SETDB2: variants seen among roughly 807,000 people sequenced by gnomAD.
SETDB2 encodes SET domain bifurcated histone lysine methyltransferase 2.
SETDB2 carries 56 observed loss-of-function variants against 82.5 expected under a neutral mutation model. The observed-to-expected ratio is 0.68, with a 90% CI of 0.55 to 0.85. The LOEUF (loss-of-function observed/expected upper bound fraction) is 0.85. Among genes scored for constraint, SETDB2 ranks in the 40% least tolerant of loss-of-function variants. The probability of loss-of-function intolerance (pLI) is 0.00; values close to 1 mark genes in which losing one functional copy is unlikely to be tolerated. For synonymous variants in SETDB2, 272 were observed against 284.9 expected, an observed-to-expected ratio of 0.95 and a Z score of 0.46; for missense variants, 677 against 816.4, an observed-to-expected ratio of 0.83 and a Z score of 2.08.
At chr13:49,445,683 C>G (rs1957661370) in intron 1 of SETDB2, 1 of 149,012 alleles carries the variant, frequency 6.7e-6, no homozygotes, top group South Asian at 2.1e-4. Context: ...AATCCCCACA[C>G]TTTGGGAGGC....
chr13:49,448,715 A>T (rs1957736605), intron 1 of SETDB2, among the ~76,000 whole-genome samples: 1 of 152,186 alleles, frequency 6.6e-6, no homozygotes, highest in Non-Finnish European at 1.5e-5. Context: ...TTCCTCCCAC[A>T]AGAAGTATTT....
chr13:49,480,610 C>T (rs865830224), intron 7 of SETDB2, among the ~76,000 whole-genome samples: 12 of 152,238 alleles, frequency 7.9e-5, no homozygotes, highest in Middle Eastern at 3.4e-3. Context: ...GCCATTTCTC[C>T]GTTTAAAAAT....
chr13:49,490,749 T>C, intron 12 of SETDB2, 73 bp from the exon 13 acceptor site: 1 of 1,076,150 alleles, frequency 9.3e-7, no homozygotes, highest in East Asian at 2.6e-5. Context: ...AACAGAATGG[T>C]TTTCTAATGC....
At chr13:49,472,955 C>T (rs1477156275) in intron 5 of SETDB2, among the ~76,000 whole-genome samples, 1 of 152,100 alleles carries the variant, frequency 6.6e-6, no homozygotes, top group East Asian at 1.9e-4. Context: ...TTCCAAATTA[C>T]AAGTTTTACC....
Position 49,488,289 on chromosome 13 carries a change from G to C in SETDB2, c.1577-1G>C. ...ATGTTTCCTTCCAAAATGTCTATTA[G>C]AGGACTCAAGTTCAAACCATGTTGA... On this transcript the variant is annotated splice_acceptor_variant, in intron 11 of 13. Transcript: ENST00000611815. LOFTEE classifies it high-confidence loss of function. 1 of 1,573,448 alleles carries C rather than the reference G, an allele frequency of 6.4e-7. No individual in the cohort carries two copies. Among genetic ancestry groups the C allele is most frequent in the Non-Finnish European group, 8.6e-7 (1 of 1,166,256 alleles).
At chr13:49,458,566 G>A (rs951671825) in intron 2 of SETDB2, among the ~76,000 whole-genome samples, 1 of 152,002 alleles carries the variant, frequency 6.6e-6, no homozygotes, top group Admixed American at 6.5e-5. Flanking sequence ...TCCTTGTATT[G>A]TTGATGTTCT....
intron 11 of SETDB2, among the ~76,000 whole-genome samples, chr13:49,486,956 GT>G (rs1958609129): frequency 6.6e-6 from 1 of 152,038 alleles, no homozygotes; most frequent in African/African-American, 2.4e-5. Context: ...GATAGAAAAG[GT>G]CTATCAAAAA....
chr13:49,486,272 G>A (rs2138985227), intron 11 of SETDB2, among the ~76,000 whole-genome samples: 1 of 150,012 alleles, frequency 6.7e-6, no homozygotes, highest in East Asian at 2.0e-4. Context: ...CCACGGTACT[G>A]CAGCCTGGGC....
chr13:49,477,111 GTATTAA>G, intron 6 of SETDB2, 72 bp downstream of exon 6: 1 of 1,335,104 alleles, frequency 7.5e-7, no homozygotes, highest in Non-Finnish European at 1.0e-6. Flanking sequence ...GTCTTGCTAT[GTATTAA>G]TTTGTCTATC....
intron 5 of SETDB2, among the ~76,000 whole-genome samples, chr13:49,474,964 A>C (rs1301350889): frequency 3.9e-5 from 6 of 152,222 alleles, no homozygotes; most frequent in Non-Finnish European, 8.8e-5. Flanking sequence ...TCAATGGAGG[A>C]AGTTTTTTTG....
rs1958149744 is a variant in SETDB2 at position 49,467,896 on chromosome 13, A to G, written c.241A>G (p.Asn81Asp). 1 of 1,611,738 alleles carries G rather than the reference A, an allele frequency of 6.2e-7. No homozygotes were observed. Among genetic ancestry groups the G allele is most frequent in the African/African-American group, 1.3e-5 (1 of 74,950 alleles). The change falls in exon 5 of 14, where the codon AAC becomes GAC. Residue 81 changes from asparagine (N) to aspartate (D), a missense_variant. This residue lies in a region of SETDB2 where 243 missense variants were observed against 237.2 expected (regional missense o/e 1.02). Coordinates refer to ENST00000611815, the MANE Select transcript of SETDB2 (RefSeq NM_001160308.3). ...PMPVTQKEQENKSNAFPSTSC... is the reference protein window; with the variant it reads ...PMPVTQKEQEDKSNAFPSTSC... ...GCCTGTGACTCAGAAGGAACAGGAA[A>G]ACAAATCCAATGCATTTCCCTCTAC...
chr13:49,485,879 G>A (rs537769476), intron 11 of SETDB2, 156 bp downstream of exon 11: 14 of 783,060 alleles, frequency 1.8e-5, no homozygotes, highest in South Asian at 2.8e-5. Context: ...GCAAAATATC[G>A]TGTGTGGGCC....
At chr13:49,488,889 T>A (rs1958646398) in intron 12 of SETDB2, 1 of 270,834 alleles carries the variant, frequency 3.7e-6, no homozygotes, top group South Asian at 8.7e-5. Context: ...GAACAGTGCC[T>A]AGCACATAGT....
At chr13:49,490,233 T>C (rs1469891235) in intron 12 of SETDB2, among the ~76,000 whole-genome samples, 1 of 128,158 alleles carries the variant, frequency 7.8e-6, no homozygotes, top group African/African-American at 3.0e-5. Flanking sequence ...TGAGCCAGGA[T>C]CATGCCACTG....
At chr13:49,478,350 CA>C (rs1287935812) in intron 6 of SETDB2, among the ~76,000 whole-genome samples, 1 of 152,116 alleles carries the variant, frequency 6.6e-6, no homozygotes, top group Non-Finnish European at 1.5e-5. Context: ...GGAACTAGGC[CA>C]GTATCTCACA....
chr13:49,472,301 A>G (rs531026320), intron 5 of SETDB2, among the ~76,000 whole-genome samples: 6 of 152,336 alleles, frequency 3.9e-5, no homozygotes, highest in African/African-American at 1.2e-4. Context: ...CATAGAGGAT[A>G]GAATGACTTC....
chr13:49,448,886 TTATA>T (rs1957738970), intron 1 of SETDB2, among the ~76,000 whole-genome samples: 1 of 152,214 alleles, frequency 6.6e-6, no homozygotes, highest in Non-Finnish European at 1.5e-5. Flanking sequence ...TAATTTTGCT[TTATA>T]TATTTCAGAG....
chr13:49,466,654 T>A (rs1958119835), intron 4 of SETDB2, among the ~76,000 whole-genome samples: 1 of 152,138 alleles, frequency 6.6e-6, no homozygotes, highest in Non-Finnish European at 1.5e-5. Context: ...TATTTATTCA[T>A]TTATTTTAGA....
intron 1 of SETDB2, among the ~76,000 whole-genome samples, chr13:49,450,817 C>G (rs1381349974): frequency 6.6e-6 from 1 of 151,786 alleles, no homozygotes; most frequent in East Asian, 1.9e-4. Flanking sequence ...TATTCTACCT[C>G]CAGATATGTT....
Sources: gnomAD v4.1 joint callset for allele counts (sites outside exome capture counted in the v4.1 genomes callset) on GRCh38, gnomAD v4.1.1 for gene constraint, gnomAD v4.1.1 regional missense constraint, MANE v1.5 for transcripts, NCBI Gene and HGNC (gene_info 2026-07-23, HGNC 2026-07-21) for gene names.